Variants in ZNF248 observed in about 807,000 individuals in gnomAD.
The protein encoded by ZNF248 is zinc finger protein 248.
A neutral mutation model predicts 44.3 loss-of-function variants in ZNF248; 20 were observed. The ratio of observed to expected loss-of-function variants is 0.45; its 90% CI spans 0.32 to 0.66. The LOEUF is 0.66. Among genes scored for constraint, ZNF248 ranks in the 30% least tolerant of loss-of-function variants. ZNF248 has a pLI of 0.04. For synonymous variants in ZNF248, 224 were observed against 229.0 expected (o/e 0.98, Z 0.20); for missense variants, 654 against 677.0 (o/e 0.97, Z 0.38).
At chr10:37,825,225 A>G (rs920841714), downstream of ZNF248, among the ~76,000 whole-genome samples, 1 of 152,182 alleles carries the variant, frequency 6.6e-6, no homozygotes, top group Non-Finnish European at 1.5e-5. Flanking sequence ...GCTATTATAA[A>G]ATGATGAGCA....
At chr10:37,796,346 G>C (rs1373350563) in intron 6 of ZNF248, among the ~76,000 whole-genome samples, 1 of 151,446 alleles carries the variant, frequency 6.6e-6, no homozygotes, top group Non-Finnish European at 1.5e-5. Context: ...CTCCCGGGTA[G>C]CTGGGATTAC....
intron 5 of ZNF248, among the ~76,000 whole-genome samples, chr10:37,835,395 C>T (rs192887414): frequency 3.3e-5 from 5 of 152,312 alleles, no homozygotes; most frequent in Admixed American, 3.3e-4. Context: ...CATTTGACTA[C>T]AGGAAACCAG....
At chr10:37,766,111 A>C in the ZNF248 span, among the ~76,000 whole-genome samples, 1 of 152,386 alleles carries the variant, frequency 6.6e-6, no homozygotes, top group Non-Finnish European at 1.5e-5. Context: ...GCAGCCAGGA[A>C]GCTCGAACTG....
In ZNF248 at chr10:37,832,274, A is replaced by C. The variant is rs200370569; in HGVS notation, c.1081T>G (p.Phe361Val). The C allele has an allele frequency of 6.2e-6, 10 of 1,613,840 alleles. No individual in the cohort carries two copies. Among genetic ancestry groups the C allele is most frequent in the Admixed American group, 1.7e-5 (1 of 59,980 alleles). Reference sequence around the variant, plus strand: ...TGGGTAAGATGTGACTTCTTGCTGAAATTACTCCCATTTTCATTGTAATCA... The same window carrying C: ...TGGGTAAGATGTGACTTCTTGCTGACATTACTCCCATTTTCATTGTAATCA... ...SYDYNENGSN[F>V]SKKSHLTQLR... The change falls in exon 6 of 6, where the codon TTC (phenylalanine) becomes GTC (valine). Residue 361 changes from phenylalanine to valine, a missense_variant. Transcript: ENST00000395867.
chr10:37,774,767 A>C (rs2046451037), downstream of ZNF248, among the ~76,000 whole-genome samples: 1 of 151,938 alleles, frequency 6.6e-6, no homozygotes, highest in African/African-American at 2.4e-5. Flanking sequence ...TGTTCCATGA[A>C]GAATTACTTT....
the ZNF248 span, among the ~76,000 whole-genome samples, chr10:37,759,399 T>C: frequency 6.6e-6 from 1 of 152,096 alleles, no homozygotes; most frequent in Non-Finnish European, 1.5e-5. Context: ...ATACATTGGG[T>C]GCTAGGTCAG....
chr10:37,832,656 C>T lies in ZNF248; in HGVS notation c.699G>A (p.Lys233=). The T allele has an allele frequency of 6.2e-7, 1 of 1,613,128 alleles. No homozygotes were observed. Among genetic ancestry groups the T allele is most frequent in the Non-Finnish European group, 8.5e-7 (1 of 1,179,868 alleles). ...FHDEAAFFTN[K]RSQIGETVCK... is the part of the protein sequence containing the mutation. ...AGACTGTCTCTCCTATCTGAGATCT[C>T]TTATTTGTAAAAAATGCTGCCTCAT... Residue 233 remains lysine (K), a synonymous_variant, in exon 6 of 6, where the codon AAG becomes AAA. Coordinates refer to ENST00000395867, the MANE Select transcript of ZNF248 (RefSeq NM_021045.3).
the ZNF248 span, among the ~76,000 whole-genome samples, chr10:37,771,152 G>A: frequency 7.9e-5 from 12 of 152,276 alleles, no homozygotes; most frequent in African/African-American, 2.2e-4. Flanking sequence ...GGAGAAATAG[G>A]AACACTTTTA....
downstream of ZNF248, among the ~76,000 whole-genome samples, chr10:37,824,244 C>T (rs1054942808): frequency 2.6e-5 from 4 of 152,152 alleles, no homozygotes; most frequent in African/African-American, 7.2e-5. Context: ...TTCTTACTCA[C>T]GAGTGTTGGC....
the ZNF248 span, among the ~76,000 whole-genome samples, chr10:37,768,627 T>C: frequency 6.6e-6 from 1 of 152,092 alleles, no homozygotes; most frequent in Non-Finnish European, 1.5e-5. Context: ...AAGCAGTGTG[T>C]AGAGGGAAAT....
intron 6 of ZNF248, among the ~76,000 whole-genome samples, chr10:37,798,754 T>C (rs1023505656): frequency 6.6e-6 from 1 of 151,956 alleles, no homozygotes; most frequent in African/African-American, 2.4e-5. Context: ...ATGAAAAAAA[T>C]GCACATGTAA....
chr10:37,800,200 G>A (rs1347659826), intron 6 of ZNF248, among the ~76,000 whole-genome samples: 1 of 152,138 alleles, frequency 6.6e-6, no homozygotes, highest in Non-Finnish European at 1.5e-5. Flanking sequence ...TTGGTTTACA[G>A]ATTATTTTGT....
chr10:37,851,767 C>CAA (rs2060273584), intron 3 of ZNF248, among the ~76,000 whole-genome samples: 3 of 33,562 alleles, frequency 8.9e-5, no homozygotes, highest in East Asian at 1.6e-3. Flanking sequence ...ATCAGAATGA[C>CAA]CAAAAAAAAA....
At chr10:37,811,075 T>C (rs2051414242) in intron 6 of ZNF248, among the ~76,000 whole-genome samples, 1 of 152,234 alleles carries the variant, frequency 6.6e-6, no homozygotes, top group African/African-American at 2.4e-5. Context: ...TGGACCCATA[T>C]GAAGTACCAC....
intron 3 of ZNF248, among the ~76,000 whole-genome samples, chr10:37,843,903 A>C (rs2058802112): frequency 6.6e-6 from 1 of 152,196 alleles, no homozygotes; most frequent in Non-Finnish European, 1.5e-5. Context: ...ATGTGAATAG[A>C]GCCTAAGGGA....
chr10:37,803,875 A>C (rs1357857346), intron 6 of ZNF248: 2 of 152,788 alleles, frequency 1.3e-5, no homozygotes, highest in African/African-American at 2.4e-5. Context: ...CCTGGAGCTC[A>C]GAAGAAACAT....
Position 37,830,368 on chromosome 10 carries a change from G to T in ZNF248, c.*1247C>A. 9 of 985,334 alleles carry T rather than the reference G, an allele frequency of 9.1e-6. No homozygotes were observed. Among genetic ancestry groups the T allele is most frequent in the Non-Finnish European group, 1.1e-5 (9 of 829,928 alleles). 61.0% of individuals were successfully genotyped at this position (985,334 alleles called of 1,614,324 possible). On this transcript the variant is annotated 3_prime_UTR_variant, in exon 6 of 6. Transcript: ENST00000395867. ...ATGCCAGGAAACAGTCAGAGGAAAG[G>T]TACGTGATATAGTTCTTTGTGAAAT...
At chr10:37,856,264 A>G in intron 3 of ZNF248, 32 bp downstream of exon 3, 2 of 1,608,604 alleles carry the variant, frequency 1.2e-6, no homozygotes, top group Non-Finnish European at 1.7e-6. Flanking sequence ...CCATTTTTAA[A>G]CAAACTGGGA....
chr10:37,819,429 T>A, intron 6 of ZNF248: 1 of 1,571,266 alleles, frequency 6.4e-7, no homozygotes, highest in Non-Finnish European at 8.7e-7. Flanking sequence ...TCTCTCCAGT[T>A]TTTATTTAAC....
Sources: gnomAD v4.1 joint callset for allele counts (sites outside exome capture counted in the v4.1 genomes callset) on GRCh38, gnomAD v4.1.1 for gene constraint, MANE v1.5 for transcripts, NCBI Gene and HGNC (gene_info 2026-07-23, HGNC 2026-07-21) for gene names.